The following ITSN2 variants were observed in gnomAD, a reference collection of about 807,000 sequenced individuals.
ITSN2 encodes intersectin 2, also known as intersectin-2.
A neutral mutation model predicts 243.7 loss-of-function variants in ITSN2; 156 were observed. That is an observed-to-expected ratio of 0.64 (90% CI 0.56 to 0.73). ITSN2 has a LOEUF of 0.73. Ranked by LOEUF, ITSN2 falls within the 30% of genes least tolerant of loss-of-function variation. The probability of loss-of-function intolerance (pLI) is 0.00; values close to 1 mark genes in which losing one functional copy is unlikely to be tolerated. For missense variants in ITSN2, 1,801 were observed against 1,996.1 expected, an observed-to-expected ratio of 0.90 and a Z score of 1.86; for synonymous variants, 703 against 699.9, an observed-to-expected ratio of 1.00 and a Z score of -0.07.
At chr2:24,331,791 C>T (rs1685816120) in intron 1 of ITSN2, among the ~76,000 whole-genome samples, 1 of 152,162 alleles carries the variant, frequency 6.6e-6, no homozygotes. Context: ...ATAAATTCTG[C>T]CATTTTCATT....
intron 23 of ITSN2, among the ~76,000 whole-genome samples, chr2:24,256,075 T>A (rs1426260368): frequency 6.6e-6 from 1 of 150,926 alleles, no homozygotes; most frequent in Non-Finnish European, 1.5e-5. Context: ...AAAACAAAAA[T>A]TAGCCGGGCA....
Position 24,203,335 on chromosome 2 carries a change from A to G in ITSN2, c.*291T>C. 1 of 263,008 alleles carries G rather than the reference A, an allele frequency of 3.8e-6. No individual in the cohort carries two copies. The highest frequency in any genetic ancestry group is 1.1e-4 in the South Asian group (1 of 9,250). 16.3% of individuals were successfully genotyped at this position (263,008 alleles called of 1,614,324 possible). A position where few individuals can be genotyped will look rare whatever the true frequency, so the allele number is the denominator to read the frequency against. ...TCTGGTGGTCTGATGCCTCATTTCCAAGTAATACTTTTTATAGCCCTGAAA... is the reference window on the plus strand; with the variant it reads ...TCTGGTGGTCTGATGCCTCATTTCCGAGTAATACTTTTTATAGCCCTGAAA... On this transcript the variant is annotated 3_prime_UTR_variant, in exon 40 of 40. Coordinates refer to ENST00000355123, the MANE Select transcript of ITSN2 (RefSeq NM_006277.3).
In ITSN2 at chr2:24,285,042, G is replaced by A. The variant is rs144583024; in HGVS notation, c.1864-199C>T. Reference sequence around the variant, plus strand: ...CTCCCGAGTAGCTGGGACTACAGGCGCATGCCACTACGCCCAGCTAATTTT... The same window carrying A: ...CTCCCGAGTAGCTGGGACTACAGGCACATGCCACTACGCCCAGCTAATTTT... On this transcript the variant is annotated intron_variant, in intron 16 of 39. Coordinates refer to ENST00000355123, the MANE Select transcript of ITSN2 (RefSeq NM_006277.3). Among the ~76,000 whole-genome samples, 10,756 of 151,776 alleles carry A rather than the reference G, an allele frequency of 0.071. 405 individuals carry two copies. The highest frequency in any genetic ancestry group is 0.11 in the Middle Eastern group (31 of 294).
chr2:24,210,628 A>AG (rs1201699604), intron 34 of ITSN2, 152 bp downstream of exon 34: 32 of 638,872 alleles, frequency 5.0e-5, no homozygotes, highest in East Asian at 2.0e-4. Flanking sequence ...AAAAAAAAAA[A>AG]AAAAAAGAAA....
At chr2:24,226,736 G>T (rs1671068315) in intron 29 of ITSN2, among the ~76,000 whole-genome samples, 1 of 152,034 alleles carries the variant, frequency 6.6e-6, no homozygotes, top group South Asian at 2.1e-4. Flanking sequence ...TGGTTATTCT[G>T]GTTTTTCTTG....
intron 1 of ITSN2, among the ~76,000 whole-genome samples, chr2:24,338,797 C>A (rs374358926): frequency 6.6e-6 from 1 of 151,838 alleles, no homozygotes; most frequent in Non-Finnish European, 1.5e-5. Flanking sequence ...TCAAGACCAG[C>A]CCAGGCAACA....
Position 24,308,561 on chromosome 2 carries a change from T to G in ITSN2, c.793+56A>C, listed in dbSNP as rs1335519329. The G allele has an allele frequency of 3.6e-6, 4 of 1,121,720 alleles. No homozygotes were observed. The East Asian group carries it at 8.6e-5, about 24-fold the overall frequency. The allele number at this position is 1,121,720 out of a possible 1,614,324, so 69.5% of individuals were successfully genotyped here. Reference sequence around the variant, plus strand: ...ACAAATTCAAATGACAGTTCTTCAGTGGAAGTCCACATAAAAGACCCTTTT... The same window carrying G: ...ACAAATTCAAATGACAGTTCTTCAGGGGAAGTCCACATAAAAGACCCTTTT... On this transcript the variant is annotated intron_variant, in intron 8 of 39. Transcript: ENST00000355123.
chr2:24,261,810 A>T, intron 20 of ITSN2, 68 bp from the exon 21 acceptor site: 3 of 1,193,552 alleles, frequency 2.5e-6, no homozygotes, highest in Non-Finnish European at 3.6e-6. Flanking sequence ...AAGAGATGAA[A>T]ACTATTGTAT....
At chr2:24,230,270 A>G (rs1258370139) in intron 29 of ITSN2, among the ~76,000 whole-genome samples, 2 of 151,862 alleles carry the variant, frequency 1.3e-5, no homozygotes, top group Non-Finnish European at 2.9e-5. Flanking sequence ...CATTCAATCC[A>G]CCTGTGGGAT....
At chr2:24,257,818 C>A (rs2151370530) in intron 23 of ITSN2, 70 bp downstream of exon 23, 3 of 1,175,340 alleles carry the variant, frequency 2.6e-6, no homozygotes, top group Middle Eastern at 1.9e-4. Context: ...TACACTCAAT[C>A]AGACCATGGC....
chr2:24,292,776 C>A (rs1221997748), intron 15 of ITSN2, among the ~76,000 whole-genome samples: 1 of 152,194 alleles, frequency 6.6e-6, no homozygotes, highest in African/African-American at 2.4e-5. Flanking sequence ...CACAGATAAA[C>A]CACACTGCCT....
At chr2:24,261,348 A>T in intron 21 of ITSN2, 98 bp from the exon 22 acceptor site, 1 of 965,204 alleles carries the variant, frequency 1.0e-6, no homozygotes. Context: ...CACTGTGCTT[A>T]CACACAATTT....
intron 32 of ITSN2, 42 bp from the exon 33 acceptor site, chr2:24,212,790 G>A (rs763280727): frequency 6.7e-5 from 98 of 1,453,056 alleles, no homozygotes; most frequent in Non-Finnish European, 7.9e-5. Context: ...TCACAGCTCC[G>A]ATCACAGGAA....
At chr2:24,314,510 A>G (rs1270620600) in intron 3 of ITSN2, among the ~76,000 whole-genome samples, 1 of 152,236 alleles carries the variant, frequency 6.6e-6, no homozygotes, top group East Asian at 1.9e-4. Context: ...CCTACTTTAC[A>G]GGGTTGTTGT....
intron 17 of ITSN2, among the ~76,000 whole-genome samples, chr2:24,279,624 T>TA (rs1386570896): frequency 1.3e-5 from 2 of 152,186 alleles, no homozygotes; most frequent in African/African-American, 2.4e-5. Context: ...GACAGATCGT[T>TA]ACACAACTGG....
intron 22 of ITSN2, among the ~76,000 whole-genome samples, chr2:24,258,682 T>C (rs927092250): frequency 1.3e-5 from 2 of 152,236 alleles, no homozygotes; most frequent in Admixed American, 6.5e-5. Context: ...CTCTTCAATC[T>C]ACTTCTCTAC....
intron 1 of ITSN2, among the ~76,000 whole-genome samples, chr2:24,342,740 A>G (rs1687162263): frequency 6.6e-6 from 1 of 151,902 alleles, no homozygotes; most frequent in African/African-American, 2.4e-5. Flanking sequence ...GTTACTCTGC[A>G]AAAGCAGAGT....
chr2:24,286,378 C>A, intron 15 of ITSN2, 27 bp from the exon 16 acceptor site: 1 of 1,606,612 alleles, frequency 6.2e-7, no homozygotes, highest in Non-Finnish European at 8.5e-7. Context: ...AGACAGTTTA[C>A]ATTTTGCAGA....
At chr2:24,344,666 A>T (rs929507958) in intron 1 of ITSN2, among the ~76,000 whole-genome samples, 1 of 152,184 alleles carries the variant, frequency 6.6e-6, no homozygotes, top group Non-Finnish European at 1.5e-5. Flanking sequence ...AAAAAGTAAA[A>T]TTAGGCCAGG....
Sources: gnomAD v4.1 joint callset for allele counts (sites outside exome capture counted in the v4.1 genomes callset) on GRCh38, gnomAD v4.1.1 for gene constraint, MANE v1.5 for transcripts, NCBI Gene and HGNC (gene_info 2026-07-23, HGNC 2026-07-21) for gene names.